The following KCNQ3 variants were observed in gnomAD, a reference collection of about 807,000 sequenced individuals.
KCNQ3 encodes the protein potassium voltage-gated channel subfamily KQT member 3.
A neutral mutation model predicts 92.5 loss-of-function variants in KCNQ3; 30 were observed. That is an observed-to-expected ratio of 0.32 (90% CI 0.24 to 0.44). The LOEUF (loss-of-function observed/expected upper bound fraction) is 0.44, where lower values mean the gene tolerates loss of function less well. Among genes scored for constraint, KCNQ3 ranks in the 20% least tolerant of loss-of-function variants. The pLI, the probability that KCNQ3 is intolerant of heterozygous loss-of-function variation, is 1.00. For synonymous variants in KCNQ3, 450 were observed against 468.8 expected, an observed-to-expected ratio of 0.96 and a Z score of 0.52; for missense variants, 913 against 1,140.3, an observed-to-expected ratio of 0.80 and a Z score of 2.87.
intron 1 of KCNQ3, among the ~76,000 whole-genome samples, chr8:132,261,402 C>G (rs1815781006): frequency 1.3e-5 from 2 of 152,300 alleles, no homozygotes; most frequent in South Asian, 4.2e-4. Flanking sequence ...CTCAGCTGTC[C>G]CATTCTCACT....
At chr8:132,263,306 C>A (rs1815853817) in intron 1 of KCNQ3, among the ~76,000 whole-genome samples, 1 of 152,208 alleles carries the variant, frequency 6.6e-6, no homozygotes, top group Non-Finnish European at 1.5e-5. Flanking sequence ...CTTTGAGCCC[C>A]CTCTTAAGGG....
At chr8:132,384,412 G>C (rs1344852091) in intron 1 of KCNQ3, among the ~76,000 whole-genome samples, 13 of 152,206 alleles carry the variant, frequency 8.5e-5, no homozygotes, top group Non-Finnish European at 1.9e-4. Flanking sequence ...CAAATTCCAG[G>C]ACGGAGACAG....
chr8:132,480,677 C>G lies in KCNQ3; in HGVS notation c.-145G>C, dbSNP rs1053739705. ...ATCCGCGCGCCCCTCCCCACCCCCC[C>G]CCAAAAGCAGGCAAAGGCGGGCCCC... On this transcript the variant is annotated 5_prime_UTR_variant, in exon 1 of 15. Transcript: ENST00000388996. 5.2e-5 allele frequency: 47 copies of G among 902,578 alleles called. 1 individual carries two copies. In the East Asian group the frequency reaches 2.0e-3, roughly 38 times the overall value. The allele number at this position is 902,578 out of a possible 1,614,324, so 55.9% of individuals were successfully genotyped here.
chr8:132,388,212 A>G (rs1009310887), intron 1 of KCNQ3, among the ~76,000 whole-genome samples: 1 of 152,240 alleles, frequency 6.6e-6, no homozygotes, highest in African/African-American at 2.4e-5. Context: ...AAGATTCTGG[A>G]AAAGAGGCAT....
chr8:132,372,281 G>T (rs1376097793), intron 1 of KCNQ3, among the ~76,000 whole-genome samples: 1 of 152,152 alleles, frequency 6.6e-6, no homozygotes, highest in African/African-American at 2.4e-5. Flanking sequence ...CAAGGCTGCA[G>T]CTTCATGGAT....
At chr8:132,229,586 T>A (rs1169279763) in intron 1 of KCNQ3, among the ~76,000 whole-genome samples, 1 of 152,042 alleles carries the variant, frequency 6.6e-6, no homozygotes, top group Non-Finnish European at 1.5e-5. Context: ...TAGGTGGTGA[T>A]GTCTAATCAA....
rs10092161 is a variant in KCNQ3 at position 132,213,657 on chromosome 8, G to C, written c.387-27476C>G. Among the ~76,000 whole-genome samples the C allele has an allele frequency of 2.6e-5, 4 of 152,244 alleles. No homozygotes were observed. In the East Asian group the frequency reaches 7.7e-4, roughly 29 times the overall value. On this transcript the variant is annotated intron_variant, in intron 1 of 14. Coordinates refer to ENST00000388996, the MANE Select transcript of KCNQ3 (RefSeq NM_004519.4). ...TGGCTCAAAGGCCACAGGCTTAGAG[G>C]ATGAGGAGAGAGACAGCTTTCTGAG... is the stretch of plus-strand genomic sequence containing the variant.
intron 1 of KCNQ3, among the ~76,000 whole-genome samples, chr8:132,326,055 G>T (rs955125488): frequency 3.9e-5 from 6 of 152,146 alleles, no homozygotes; most frequent in Non-Finnish European, 8.8e-5. Flanking sequence ...GAGATATGTT[G>T]TCTCAGCATG....
At chr8:132,154,871 T>C (rs1056763939) in intron 9 of KCNQ3, among the ~76,000 whole-genome samples, 4 of 152,218 alleles carry the variant, frequency 2.6e-5, no homozygotes, top group African/African-American at 7.2e-5. Context: ...ATTTTTTTCC[T>C]ACAACAGAAT....
chr8:132,380,023 G>A (rs180990226), intron 1 of KCNQ3, among the ~76,000 whole-genome samples: 59 of 151,826 alleles, frequency 3.9e-4, no homozygotes, highest in Middle Eastern at 6.8e-3. Flanking sequence ...ACAACCATAC[G>A]CTTTATTCAA....
chr8:132,344,463 GC>G (rs1263676324), intron 1 of KCNQ3, among the ~76,000 whole-genome samples: 1 of 152,164 alleles, frequency 6.6e-6, no homozygotes, highest in Non-Finnish European at 1.5e-5. Context: ...TGTTCTAAGT[GC>G]TGAGCACTGT....
At chr8:132,208,668 C>G (rs1160693888) in intron 1 of KCNQ3, among the ~76,000 whole-genome samples, 1 of 152,144 alleles carries the variant, frequency 6.6e-6, no homozygotes, top group African/African-American at 2.4e-5. Context: ...TTGCCACCAA[C>G]TTCCTGGGCG....
rs1456373100 is a variant in KCNQ3, at chr8:132,297,654, GA to G, written c.387-111474del. On this transcript the variant is annotated intron_variant, in intron 1 of 14. Coordinates refer to ENST00000388996, the MANE Select transcript of KCNQ3 (RefSeq NM_004519.4). ...GGTAGTGCAGTTTACATTACAATAA[GA>G]CATAACCCTCTCTGTGGCTGAATGT... 1.6e-4 allele frequency among the ~76,000 whole-genome samples: 7 copies of G among 42,742 alleles called. No individual in the cohort carries two copies. The East Asian group carries it at 0.011, about 65-fold the overall frequency. The allele number at this position is 42,742 out of a possible 152,430, so 28.0% of individuals were successfully genotyped here.
intron 1 of KCNQ3, among the ~76,000 whole-genome samples, chr8:132,321,717 T>C (rs1192596152): frequency 6.6e-6 from 1 of 152,184 alleles, no homozygotes; most frequent in Non-Finnish European, 1.5e-5. Context: ...GCCAAACTCA[T>C]CTATGTTGCA....
intron 13 of KCNQ3, 65 bp from the exon 14 acceptor site, chr8:132,132,329 G>C (rs748643215): frequency 1.8e-4 from 235 of 1,314,108 alleles, no homozygotes; most frequent in Admixed American, 2.0e-4. Context: ...GGTAATTTCG[G>C]CTAGGCAGGC....
At chr8:132,315,224 G>A (rs1467837838) in intron 1 of KCNQ3, among the ~76,000 whole-genome samples, 1 of 152,118 alleles carries the variant, frequency 6.6e-6, no homozygotes, top group East Asian at 1.9e-4. Context: ...GGGAAAACGA[G>A]GGGAAGGAAT....
At chr8:132,336,800 T>A (rs1004349) in intron 1 of KCNQ3, among the ~76,000 whole-genome samples, 114,853 of 152,138 alleles carry the variant, frequency 0.75, 43,524 homozygotes, top group East Asian at 0.94. Flanking sequence ...CCAATACAAC[T>A]CATAGCTCTC....
intron 1 of KCNQ3, among the ~76,000 whole-genome samples, chr8:132,290,147 A>G (rs1238373846): frequency 5.3e-5 from 8 of 152,232 alleles, no homozygotes; most frequent in Non-Finnish European, 1.2e-4. Context: ...CCTAATAAAG[A>G]GCAGAACATT....
chr8:132,262,414 A>C (rs911449798), intron 1 of KCNQ3, among the ~76,000 whole-genome samples: 1 of 152,234 alleles, frequency 6.6e-6, no homozygotes, highest in Non-Finnish European at 1.5e-5. Context: ...GTAAAAAACA[A>C]ATGTAAAGAT....
Sources: gnomAD v4.1 joint callset for allele counts (sites outside exome capture counted in the v4.1 genomes callset) on GRCh38, gnomAD v4.1.1 for gene constraint, MANE v1.5 for transcripts, NCBI Gene and HGNC (gene_info 2026-07-23, HGNC 2026-07-21) for gene names.